Variants in LHFPL3 observed in about 807,000 individuals in gnomAD.
LHFPL3 encodes LHFPL tetraspan subfamily member 3.
LHFPL3 carries 5 observed loss-of-function variants against 19.3 expected under a neutral mutation model. The observed-to-expected ratio is 0.26, with a 90% CI of 0.14 to 0.54. LHFPL3 has a LOEUF of 0.54. LHFPL3 is among the 20% of genes least tolerant of loss of function. LHFPL3 has a pLI of 0.94. For missense variants in LHFPL3, 249 were observed against 307.4 expected, an observed-to-expected ratio of 0.81 and a Z score of 1.42; for synonymous variants, 133 against 126.2, an observed-to-expected ratio of 1.05 and a Z score of -0.36.
intron 1 of LHFPL3, among the ~76,000 whole-genome samples, chr7:104,615,299 T>C (rs957390246): frequency 6.6e-6 from 1 of 152,214 alleles, no homozygotes; most frequent in Admixed American, 6.5e-5. Context: ...ACTAATGCTA[T>C]TGTTTTCCCT....
At position 104,782,608 on chromosome 7, in the gene LHFPL3, C is replaced by G. The variant is rs536965134; in HGVS notation, c.682+45697C>G. Among the ~76,000 whole-genome samples, 4 of 152,360 alleles carry G rather than the reference C, an allele frequency of 2.6e-5. No individual in the cohort carries two copies. In the East Asian group the frequency reaches 7.7e-4, roughly 29 times the overall value. On this transcript the variant is annotated intron_variant, in intron 2 of 2. Transcript: ENST00000424859. ...CCATGTGTGTGCATTCCATTATCCACAGTGAAGCCAGAACAACCTTTCTGT... is the reference window on the plus strand; with the variant it reads ...CCATGTGTGTGCATTCCATTATCCAGAGTGAAGCCAGAACAACCTTTCTGT...
intron 1 of LHFPL3, among the ~76,000 whole-genome samples, chr7:104,635,747 A>G (rs1019169363): frequency 3.9e-5 from 6 of 152,202 alleles, no homozygotes; most frequent in African/African-American, 1.2e-4. Context: ...AACATGGGAA[A>G]GAGGCAAAGA....
chr7:104,483,081 T>C (rs1212340662), intron 1 of LHFPL3, among the ~76,000 whole-genome samples: 1 of 152,252 alleles, frequency 6.6e-6, no homozygotes, highest in Non-Finnish European at 1.5e-5. Flanking sequence ...ATTGAGGCAC[T>C]GACTCCAAAA....
At chr7:104,384,936 G>T (rs1178677795) in intron 1 of LHFPL3, among the ~76,000 whole-genome samples, 7 of 152,046 alleles carry the variant, frequency 4.6e-5, no homozygotes, top group Non-Finnish European at 1.0e-4. Flanking sequence ...TTTGGCATTA[G>T]AAAGGTAAGG....
Position 104,829,479 on chromosome 7 carries a change from C to A in LHFPL3, c.683-76708C>A, listed in dbSNP as rs187475341. Among the ~76,000 whole-genome samples the A allele has an allele frequency of 6.3e-4, 95 of 151,904 alleles. 2 individuals carry two copies. Among genetic ancestry groups the A allele is most frequent in the African/African-American group, 1.9e-3 (77 of 41,244 alleles). On this transcript the variant is annotated intron_variant, in intron 2 of 2. Transcript: ENST00000424859. ...ATATCTCCTAATGCTATCCCTCCCC[C>A]ATCCCCCTACCCCACAACAGTCCCC... is the stretch of plus-strand genomic sequence containing the variant.
rs552913486 is a variant in LHFPL3, at chr7:104,535,583, C to T, written c.446-201092C>T. ...TGTTCTGTTCTGATGGGGAGTAATCCTTTATCCCAGCAATATTGAAAGGCA... is the reference window on the plus strand; with the variant it reads ...TGTTCTGTTCTGATGGGGAGTAATCTTTTATCCCAGCAATATTGAAAGGCA... On this transcript the variant is annotated intron_variant, in intron 1 of 2. Coordinates refer to ENST00000424859, the MANE Select transcript of LHFPL3 (RefSeq NM_199000.3). Among the ~76,000 whole-genome samples the T allele has an allele frequency of 1.4e-4, 22 of 152,276 alleles. No homozygotes were observed. The East Asian group carries it at 3.9e-3, about 27-fold the overall frequency.
chr7:104,759,966 T>C (rs1433186347), intron 2 of LHFPL3: 1 of 152,246 alleles, frequency 6.6e-6, no homozygotes, highest in Admixed American at 6.5e-5. Context: ...GCACTTTCTA[T>C]TGTATTATCG....
intron 2 of LHFPL3, among the ~76,000 whole-genome samples, chr7:104,768,070 A>G (rs1316000635): frequency 6.6e-6 from 1 of 151,178 alleles, no homozygotes; most frequent in Non-Finnish European, 1.5e-5. Flanking sequence ...CTTCTTCCCC[A>G]TCAGCCTTCA....
chr7:104,437,841 A>T (rs1190699118), intron 1 of LHFPL3, among the ~76,000 whole-genome samples: 1 of 152,074 alleles, frequency 6.6e-6, no homozygotes, highest in African/African-American at 2.4e-5. Flanking sequence ...CCATTCAGGG[A>T]TTTTTTTAAA....
At chr7:104,438,965 A>G (rs1396876528) in intron 1 of LHFPL3, among the ~76,000 whole-genome samples, 1 of 152,238 alleles carries the variant, frequency 6.6e-6, no homozygotes, top group Non-Finnish European at 1.5e-5. Context: ...GAACAAGTCT[A>G]TGTCAATAAA....
chr7:104,673,668 A>G (rs546563720), intron 1 of LHFPL3, among the ~76,000 whole-genome samples: 1 of 152,290 alleles, frequency 6.6e-6, no homozygotes, highest in South Asian at 2.1e-4. Flanking sequence ...TTCAGAAGAG[A>G]GTTTGATGAA....
intron 1 of LHFPL3, among the ~76,000 whole-genome samples, chr7:104,513,412 A>T (rs1793859269): frequency 6.6e-6 from 1 of 152,220 alleles, no homozygotes; most frequent in African/African-American, 2.4e-5. Context: ...GGAATCTGTG[A>T]ATTTGTACAT....
intron 1 of LHFPL3, among the ~76,000 whole-genome samples, chr7:104,498,899 A>C (rs2115724733): frequency 6.6e-6 from 1 of 152,336 alleles, no homozygotes; most frequent in East Asian, 1.9e-4. Context: ...ATTTAAGTAA[A>C]TTTTAAAATG....
intron 1 of LHFPL3, among the ~76,000 whole-genome samples, chr7:104,706,315 T>C (rs1157236596): frequency 6.6e-6 from 1 of 151,896 alleles, no homozygotes; most frequent in Non-Finnish European, 1.5e-5. Flanking sequence ...GAAAAGGATA[T>C]TACTCACAAG....
intron 1 of LHFPL3, chr7:104,623,146 T>C (rs1791479960): frequency 5.1e-6 from 1 of 194,570 alleles, no homozygotes; most frequent in Non-Finnish European, 1.1e-5. Context: ...ATTATTGACT[T>C]TTAAGAGTTC....
intron 1 of LHFPL3, among the ~76,000 whole-genome samples, chr7:104,483,723 C>G (rs766410038): frequency 6.6e-6 from 1 of 152,162 alleles, no homozygotes; most frequent in Non-Finnish European, 1.5e-5. Flanking sequence ...TCAAGCAATC[C>G]TCCCACCTCA....
chr7:104,416,104 G>A (rs1326980036), intron 1 of LHFPL3, among the ~76,000 whole-genome samples: 1 of 152,214 alleles, frequency 6.6e-6, no homozygotes, highest in Non-Finnish European at 1.5e-5. Flanking sequence ...AGTCAGGTGG[G>A]TTCTTAATCC....
At chr7:104,827,301 G>C (rs1421375722) in intron 2 of LHFPL3, among the ~76,000 whole-genome samples, 2 of 152,010 alleles carry the variant, frequency 1.3e-5, no homozygotes, top group East Asian at 3.8e-4. Context: ...AGCCTTTCTA[G>C]CACTTTAAAG....
At chr7:104,882,375 G>A (rs1391395908) in intron 2 of LHFPL3, among the ~76,000 whole-genome samples, 12 of 152,120 alleles carry the variant, frequency 7.9e-5, no homozygotes, top group Non-Finnish European at 1.5e-5. Context: ...AGCCTCCCAA[G>A]TAGCTGAGAT....
Sources: gnomAD v4.1 joint callset for allele counts (sites outside exome capture counted in the v4.1 genomes callset) on GRCh38, gnomAD v4.1.1 for gene constraint, MANE v1.5 for transcripts, NCBI Gene and HGNC (gene_info 2026-07-23, HGNC 2026-07-21) for gene names.